RSRC1: variants seen among roughly 807,000 people sequenced by gnomAD.
RSRC1 encodes the protein serine/Arginine-related protein 53.
In RSRC1, 39 loss-of-function variants were observed where a neutral mutation model predicts 49.1. The ratio of observed to expected loss-of-function variants is 0.79; its 90% confidence interval spans 0.61 to 1.04. RSRC1 has a LOEUF of 1.04. Ranked by LOEUF, RSRC1 falls within the 50% of genes least tolerant of loss-of-function variation. RSRC1 has a pLI of 0.00. For missense variants in RSRC1, 388 were observed against 402.4 expected (o/e 0.96, Z 0.31); for synonymous variants, 143 against 130.8 (o/e 1.09, Z -0.63).
intron 5 of RSRC1, among the ~76,000 whole-genome samples, chr3:158,321,658 G>A (rs1169957217): frequency 6.7e-6 from 1 of 150,348 alleles, no homozygotes; most frequent in East Asian, 1.9e-4. Context: ...TGTGGTATTT[G>A]CCTTTAAAAG....
intron 7 of RSRC1, among the ~76,000 whole-genome samples, chr3:158,505,602 A>G (rs1307179902): frequency 1.3e-5 from 2 of 152,090 alleles, no homozygotes; most frequent in Non-Finnish European, 2.9e-5. Flanking sequence ...GCAGAAGTAA[A>G]ATTCATTTTG....
At chr3:158,398,371 G>C (rs1297602373) in intron 6 of RSRC1, among the ~76,000 whole-genome samples, 1 of 151,978 alleles carries the variant, frequency 6.6e-6, no homozygotes, top group Non-Finnish European at 1.5e-5. Context: ...CAGAAGGTTT[G>C]GTATCTGGTG....
chr3:158,232,074 G>T (rs1052737153), intron 4 of RSRC1, among the ~76,000 whole-genome samples: 3 of 151,956 alleles, frequency 2.0e-5, no homozygotes, highest in Non-Finnish European at 4.4e-5. Flanking sequence ...CAGCACTGAT[G>T]ATTTATCTCT....
intron 5 of RSRC1, among the ~76,000 whole-genome samples, chr3:158,344,115 C>A (rs996220726): frequency 6.6e-6 from 1 of 151,946 alleles, no homozygotes; most frequent in African/African-American, 2.4e-5. Context: ...AAAAATTAGC[C>A]GGGCATGGTG....
chr3:158,116,925 T>G (rs1406672201), intron 1 of RSRC1, among the ~76,000 whole-genome samples: 3 of 152,112 alleles, frequency 2.0e-5, no homozygotes, highest in Non-Finnish European at 2.9e-5. Flanking sequence ...TGAATCTGGG[T>G]TGTCTGTTGT....
chr3:158,352,041 G>A (rs1371696877), intron 5 of RSRC1, among the ~76,000 whole-genome samples: 2 of 151,530 alleles, frequency 1.3e-5, no homozygotes, highest in South Asian at 4.2e-4. Context: ...AGGCCTAGGT[G>A]GGAGGATTGC....
chr3:158,132,092 T>G (rs1367929408), intron 3 of RSRC1: 3 of 441,920 alleles, frequency 6.8e-6, no homozygotes, highest in Admixed American at 4.8e-5. Context: ...CAAGGTATCC[T>G]CCTACCTCAA....
intron 6 of RSRC1, among the ~76,000 whole-genome samples, chr3:158,431,087 C>G (rs1210016150): frequency 6.6e-6 from 1 of 151,868 alleles, no homozygotes; most frequent in African/African-American, 2.4e-5. Context: ...CCACAAAACC[C>G]TTTTAGCACC....
intron 6 of RSRC1, among the ~76,000 whole-genome samples, chr3:158,457,596 G>T (rs1199429122): frequency 2.0e-5 from 3 of 152,108 alleles, no homozygotes; most frequent in Non-Finnish European, 4.4e-5. Context: ...AGAATAGAAC[G>T]CCAAGAAGGC....
At chr3:158,153,317 T>C (rs1717668642) in intron 3 of RSRC1, among the ~76,000 whole-genome samples, 1 of 152,136 alleles carries the variant, frequency 6.6e-6, no homozygotes, top group South Asian at 2.1e-4. Flanking sequence ...TCTTGTAGAG[T>C]TGCCAGTAGA....
At chr3:158,244,412 A>G (rs1424241633) in intron 4 of RSRC1, among the ~76,000 whole-genome samples, 1 of 152,114 alleles carries the variant, frequency 6.6e-6, no homozygotes, top group Non-Finnish European at 1.5e-5. Context: ...TGCATATGTG[A>G]TTAATTTCAT....
chr3:158,349,355 G>C (rs1216591383), intron 5 of RSRC1, among the ~76,000 whole-genome samples: 1 of 151,902 alleles, frequency 6.6e-6, no homozygotes, highest in Non-Finnish European at 1.5e-5. Flanking sequence ...TCATGTGTTT[G>C]TTGGCCACTT....
At chr3:158,350,282 A>G (rs950216448) in intron 5 of RSRC1, among the ~76,000 whole-genome samples, 6 of 150,414 alleles carry the variant, frequency 4.0e-5, no homozygotes, top group Non-Finnish European at 7.4e-5. Flanking sequence ...GGCTCAAGCT[A>G]TCTTCCCACC....
chr3:158,394,855 AC>A (rs1213301465), intron 6 of RSRC1, among the ~76,000 whole-genome samples: 2 of 152,172 alleles, frequency 1.3e-5, no homozygotes, highest in Non-Finnish European at 2.9e-5. Flanking sequence ...TTCATATGGA[AC>A]CGAAAAAGAG....
At chr3:158,464,643 A>C (rs1329551555) in intron 7 of RSRC1, among the ~76,000 whole-genome samples, 1 of 152,118 alleles carries the variant, frequency 6.6e-6, no homozygotes, top group Admixed American at 6.6e-5. Context: ...TATTAGCCTT[A>C]ATTTTATTTT....
In RSRC1 at chr3:158,354,131, T is replaced by C. The variant is rs193054797; in HGVS notation, c.532-726T>C. Among the ~76,000 whole-genome samples, 122 of 150,846 alleles carry C rather than the reference T, an allele frequency of 8.1e-4. 1 individual carries two copies. The East Asian group carries it at 0.023, about 28-fold the overall frequency. ...TCAGCCTCCCAAGTAGCTGGGACTA[T>C]AGGTGCATGCCACCATGCCCAGCTA... On this transcript the variant is annotated intron_variant, in intron 5 of 9. Coordinates refer to ENST00000611884, the MANE Select transcript of RSRC1 (RefSeq NM_001271838.2).
At chr3:158,510,823 T>A (rs1309160884) in intron 7 of RSRC1, among the ~76,000 whole-genome samples, 1 of 152,162 alleles carries the variant, frequency 6.6e-6, no homozygotes, top group Non-Finnish European at 1.5e-5. Flanking sequence ...TGATTTTTCT[T>A]CTATGAATAA....
chr3:158,214,676 CTT>C (rs1423983551), intron 4 of RSRC1, among the ~76,000 whole-genome samples: 1 of 151,700 alleles, frequency 6.6e-6, no homozygotes, highest in East Asian at 1.9e-4. Context: ...GTGATTTCCT[CTT>C]TGATTCATGG....
intron 3 of RSRC1, among the ~76,000 whole-genome samples, chr3:158,194,226 A>G (rs1325827819): frequency 6.6e-6 from 1 of 151,886 alleles, no homozygotes; most frequent in Non-Finnish European, 1.5e-5. Flanking sequence ...GTAAGATACG[A>G]TCATCCTGCT....
Sources: allele counts gnomAD v4.1 joint callset (sites outside exome capture counted in the v4.1 genomes callset), GRCh38; gene constraint gnomAD v4.1.1; transcripts MANE v1.5; gene names NCBI Gene and HGNC (gene_info 2026-07-23, HGNC 2026-07-21).